CCDC178: variants seen among roughly 807,000 people sequenced by gnomAD.
The protein encoded by CCDC178 is coiled-coil domain containing 178.
In CCDC178, 126 loss-of-function variants were observed where a neutral mutation model predicts 117.4. The ratio of observed to expected loss-of-function variants is 1.07; its 90% CI spans 0.93 to 1.24. The LOEUF is 1.24. Among genes scored for constraint, CCDC178 ranks in the 50% most tolerant of loss-of-function variants. The pLI is 0.00. For missense variants in CCDC178, 1,030 were observed against 986.9 expected, an observed-to-expected ratio of 1.04 and a Z score of -0.59; for synonymous variants, 283 against 313.4, an observed-to-expected ratio of 0.90 and a Z score of 1.02.
At chr18:33,276,664 T>G (rs549811455) in intron 12 of CCDC178, among the ~76,000 whole-genome samples, 1 of 152,206 alleles carries the variant, frequency 6.6e-6, no homozygotes, top group South Asian at 2.1e-4. Context: ...GACAAAAGAA[T>G]AATGATTAGA....
At chr18:33,324,310 A>G (rs2062556795) in intron 10 of CCDC178, among the ~76,000 whole-genome samples, 1 of 151,884 alleles carries the variant, frequency 6.6e-6, no homozygotes, top group Non-Finnish European at 1.5e-5. Flanking sequence ...TGACATGCAC[A>G]ACGCATGTAT....
chr18:32,996,881 A>G (rs2055522089), intron 21 of CCDC178, among the ~76,000 whole-genome samples: 1 of 152,180 alleles, frequency 6.6e-6, no homozygotes. Context: ...AGAAAAAAGA[A>G]TACCTCAACA....
intron 6 of CCDC178, among the ~76,000 whole-genome samples, chr18:33,363,495 G>A (rs775633922): frequency 6.6e-6 from 1 of 151,938 alleles, no homozygotes; most frequent in Non-Finnish European, 1.5e-5. Flanking sequence ...GCAGAACTGG[G>A]TTCTAATAAA....
intron 20 of CCDC178, among the ~76,000 whole-genome samples, chr18:33,135,195 C>A (rs1396459980): frequency 6.6e-6 from 1 of 151,646 alleles, no homozygotes; most frequent in Non-Finnish European, 1.5e-5. Flanking sequence ...AAAAGAGCAC[C>A]TTGGATTTAT....
intron 21 of CCDC178, among the ~76,000 whole-genome samples, chr18:33,009,820 A>G (rs1238033226): frequency 6.6e-6 from 1 of 152,170 alleles, no homozygotes; most frequent in East Asian, 1.9e-4. Flanking sequence ...TGATCCATCA[A>G]TAGTAACATT....
Position 33,396,215 on chromosome 18 carries a change from T to C in CCDC178, c.118+934A>G, listed in dbSNP as rs905662049. ...ATGAAAAAATTTTCAACATCAATAA[T>C]AATCAGGCAAATTTAAATTAAAACC... is the stretch of plus-strand genomic sequence containing the variant. On this transcript the variant is annotated intron_variant, in intron 4 of 22. Coordinates refer to ENST00000383096, the MANE Select transcript of CCDC178 (RefSeq NM_001105528.4). Among the ~76,000 whole-genome samples, 4 of 152,154 alleles carry C rather than the reference T, an allele frequency of 2.6e-5. No homozygotes were observed. In the South Asian group the frequency reaches 8.3e-4, roughly 32 times the overall value.
intron 3 of CCDC178, among the ~76,000 whole-genome samples, chr18:33,408,498 G>A (rs1430241839): frequency 6.6e-6 from 1 of 151,576 alleles, no homozygotes; most frequent in Non-Finnish European, 1.5e-5. Flanking sequence ...ATATAGAACT[G>A]TATATGTATT....
At chr18:33,242,299 T>C (rs573939884) in intron 15 of CCDC178, among the ~76,000 whole-genome samples, 1 of 151,652 alleles carries the variant, frequency 6.6e-6, no homozygotes, top group South Asian at 2.1e-4. Flanking sequence ...ACTACAAAAC[T>C]ACTAAGAGAA....
At chr18:33,334,270 A>G (rs1471064059) in intron 9 of CCDC178, among the ~76,000 whole-genome samples, 1 of 152,146 alleles carries the variant, frequency 6.6e-6, no homozygotes, top group Non-Finnish European at 1.5e-5. Flanking sequence ...AATAAACCTA[A>G]CATGAACTGG....
At chr18:33,106,778 C>G (rs271435) in intron 20 of CCDC178, among the ~76,000 whole-genome samples, 24,272 of 151,556 alleles carry the variant, frequency 0.16, 2,714 homozygotes, top group African/African-American at 0.32. Flanking sequence ...AAGTGAGAAT[C>G]TTTTCTACCT....
chr18:33,210,982 C>T (rs1304243730), intron 20 of CCDC178, among the ~76,000 whole-genome samples: 2 of 151,868 alleles, frequency 1.3e-5, no homozygotes, highest in Non-Finnish European at 1.5e-5. Context: ...ATGCAATGTA[C>T]ATTTGTTCCA....
At chr18:33,229,551 G>A (rs148217003) in intron 15 of CCDC178, among the ~76,000 whole-genome samples, 1 of 152,126 alleles carries the variant, frequency 6.6e-6, no homozygotes, top group Non-Finnish European at 1.5e-5. Flanking sequence ...TAGGAAAACT[G>A]ACAGAGAGAT....
rs181642797 is a variant in CCDC178 at position 33,295,448 on chromosome 18, T to G, written c.1023-2136A>C. Among the ~76,000 whole-genome samples the G allele has an allele frequency of 1.4e-4, 21 of 152,142 alleles. 1 individual carries two copies. Among genetic ancestry groups the G allele is most frequent in the Non-Finnish European group, 2.1e-4 (14 of 67,952 alleles). On this transcript the variant is annotated intron_variant, in intron 11 of 22. Coordinates refer to ENST00000383096, the MANE Select transcript of CCDC178 (RefSeq NM_001105528.4). ...AAAAGAAAAAAGTGATAAGTAGAAT[T>G]TTAGAAAAATTAAGAACTTCTGCAT...
Position 33,223,223 on chromosome 18 carries a change from G to T in CCDC178, c.1819-4C>A, listed in dbSNP as rs1234404958. The T allele has an allele frequency of 2.5e-6, 4 of 1,589,794 alleles. No individual in the cohort carries two copies. In the Admixed American group the frequency reaches 5.2e-5, roughly 21 times the overall value. ...GATCAATTATATTATTAAGCATCTA[G>T]AAGACATTCAGATATTAAGATGTGC... On this transcript the variant is annotated splice_polypyrimidine_tract_variant and splice_region_variant and intron_variant, in intron 17 of 22. Transcript: ENST00000383096.
chr18:33,322,912 A>C (rs1385019591), intron 11 of CCDC178, among the ~76,000 whole-genome samples: 1 of 151,400 alleles, frequency 6.6e-6, no homozygotes, highest in Non-Finnish European at 1.5e-5. Flanking sequence ...TTAATAAATA[A>C]AAATGCTATT....
chr18:33,210,079 C>T (rs974781712), intron 20 of CCDC178, among the ~76,000 whole-genome samples: 1 of 151,994 alleles, frequency 6.6e-6, no homozygotes, highest in Admixed American at 6.6e-5. Flanking sequence ...AGCATGTGGA[C>T]AGCAAAATTA....
chr18:33,341,615 T>A (rs1485743662), intron 9 of CCDC178, among the ~76,000 whole-genome samples: 1 of 152,170 alleles, frequency 6.6e-6, no homozygotes, highest in East Asian at 1.9e-4. Flanking sequence ...CATGTTATTC[T>A]CATGTTAGTG....
chr18:32,994,320 T>C (rs1216163037), intron 21 of CCDC178, among the ~76,000 whole-genome samples: 1 of 152,134 alleles, frequency 6.6e-6, no homozygotes, highest in African/African-American at 2.4e-5. Flanking sequence ...GTAAAGTTGG[T>C]TAGAGATGTA....
At chr18:33,154,147 A>G (rs1286652668) in intron 20 of CCDC178, among the ~76,000 whole-genome samples, 1 of 152,148 alleles carries the variant, frequency 6.6e-6, no homozygotes, top group Admixed American at 6.5e-5. Context: ...CAATATGAAA[A>G]CAAAATATAT....
Sources: allele counts gnomAD v4.1 joint callset (sites outside exome capture counted in the v4.1 genomes callset), GRCh38; gene constraint gnomAD v4.1.1; transcripts MANE v1.5; gene names NCBI Gene and HGNC (gene_info 2026-07-23, HGNC 2026-07-21).